The following TXNRD1 variants were observed in gnomAD, a reference collection of about 807,000 sequenced individuals.
TXNRD1 encodes the protein thioredoxin reductase 1, cytoplasmic.
A neutral mutation model predicts 80.3 loss-of-function variants in TXNRD1; 57 were observed. That is an observed-to-expected ratio of 0.71 (90% CI 0.57 to 0.89). The LOEUF (loss-of-function observed/expected upper bound fraction) is 0.89. Ranked by LOEUF, TXNRD1 falls within the 40% of genes least tolerant of loss-of-function variation. TXNRD1 has a pLI of 0.00. For missense variants in TXNRD1, 730 were observed against 803.0 expected (o/e 0.91, Z 1.10); for synonymous variants, 291 against 285.2 (o/e 1.02, Z -0.20).
intron 7 of TXNRD1, among the ~76,000 whole-genome samples, chr12:104,316,535 G>T (rs552849845): frequency 6.6e-6 from 1 of 152,108 alleles, no homozygotes; most frequent in Non-Finnish European, 1.5e-5. Context: ...GATTACGGGC[G>T]CCTGCCACCA....
chr12:104,338,520 C>T (rs1236067979), intron 15 of TXNRD1, among the ~76,000 whole-genome samples: 1 of 151,252 alleles, frequency 6.6e-6, no homozygotes, highest in Non-Finnish European at 1.5e-5. Context: ...CATGGCGAAA[C>T]CCCGTCTCTA....
intron 1 of TXNRD1, among the ~76,000 whole-genome samples, chr12:104,230,559 G>A (rs563469714): frequency 6.6e-5 from 10 of 152,120 alleles, no homozygotes; most frequent in Admixed American, 1.3e-4. Context: ...TTGCATTTCC[G>A]TAATGAATAA....
intron 3 of TXNRD1, among the ~76,000 whole-genome samples, chr12:104,281,803 A>C (rs2135735854): frequency 6.6e-6 from 1 of 152,164 alleles, no homozygotes; most frequent in East Asian, 1.9e-4. Flanking sequence ...TCTTCTCTTC[A>C]CACTCTGGCA....
At chr12:104,280,062 CAAAAA>C (rs34627940) in intron 3 of TXNRD1, among the ~76,000 whole-genome samples, 2 of 84,618 alleles carry the variant, frequency 2.4e-5, no homozygotes, top group Admixed American at 1.4e-4. Context: ...GACTCTGTCT[CAAAAA>C]AAAAAAAAAA....
intron 1 of TXNRD1, among the ~76,000 whole-genome samples, chr12:104,230,628 C>T (rs372989962): frequency 6.6e-6 from 1 of 152,090 alleles, no homozygotes; most frequent in East Asian, 1.9e-4. Flanking sequence ...AATGTCTGTT[C>T]AAAGTCTTTT....
intron 3 of TXNRD1, among the ~76,000 whole-genome samples, chr12:104,261,244 A>G (rs2033362748): frequency 1.3e-5 from 2 of 150,422 alleles, no homozygotes; most frequent in African/African-American, 4.9e-5. Context: ...GCTTGCCACA[A>G]CCTCCACCTC....
At chr12:104,282,062 A>C (rs1050339920) in intron 3 of TXNRD1, among the ~76,000 whole-genome samples, 37 of 152,370 alleles carry the variant, frequency 2.4e-4, no homozygotes, top group African/African-American at 8.7e-4. Flanking sequence ...GGAAAGAAAG[A>C]ATAGCAATTT....
At chr12:104,341,761 A>G (rs1196217866) in intron 16 of TXNRD1, among the ~76,000 whole-genome samples, 1 of 152,140 alleles carries the variant, frequency 6.6e-6, no homozygotes, top group African/African-American at 2.4e-5. Flanking sequence ...TGGAGTTAGC[A>G]TCAGATCCTG....
rs373675621 is a variant in TXNRD1, at chr12:104,326,428, GA to G, written c.1385+12del. The G allele has an allele frequency of 6.1e-6, 7 of 1,138,902 alleles. No individual in the cohort carries two copies. Among genetic ancestry groups the G allele is most frequent in the African/African-American group, 1.6e-5 (1 of 61,434 alleles). 70.5% of individuals were successfully genotyped at this position (1,138,902 alleles called of 1,614,324 possible). A position where few individuals can be genotyped will look rare whatever the true frequency, so the allele number is the denominator to read the frequency against. ...AGGGGTGAAGATAAATGAAAAGTAAGAAAAAAATCTTTATTATGTCATATTT... is the reference window on the plus strand; with the variant it reads ...AGGGGTGAAGATAAATGAAAAGTAAGAAAAAATCTTTATTATGTCATATTT... On this transcript the variant is annotated splice_donor_region_variant and intron_variant, in intron 12 of 16. Coordinates refer to ENST00000525566, the MANE Select transcript of TXNRD1 (RefSeq NM_001093771.3).
intron 4 of TXNRD1, among the ~76,000 whole-genome samples, chr12:104,301,423 C>T (rs183420120): frequency 2.0e-5 from 3 of 152,232 alleles, no homozygotes; most frequent in East Asian, 3.9e-4. Flanking sequence ...CTGCAAGCTC[C>T]GTCTCCTGGG....
chr12:104,327,100 C>T (rs11111996), intron 12 of TXNRD1, among the ~76,000 whole-genome samples: 73,908 of 152,012 alleles, frequency 0.49, 18,458 homozygotes, highest in East Asian at 0.62. Context: ...CTGTGCCTGG[C>T]CGAATTTTAG....
rs1193086692 is a variant in TXNRD1 at position 104,299,874 on chromosome 12, A to G, written c.414+10834A>G. ...TTACCACATTTCTTCACAACTCAAT[A>G]TTAAACAGAAGCCATGGTGGTATGA... On this transcript the variant is annotated intron_variant, in intron 4 of 16. Coordinates refer to ENST00000525566, the MANE Select transcript of TXNRD1 (RefSeq NM_001093771.3). 2.0e-5 allele frequency among the ~76,000 whole-genome samples: 3 copies of G among 152,198 alleles called. No homozygotes were observed. The East Asian group carries it at 5.8e-4, about 29-fold the overall frequency.
At chr12:104,342,625 C>CT (rs138507590) in intron 16 of TXNRD1, among the ~76,000 whole-genome samples, 5,626 of 152,168 alleles carry the variant, frequency 0.037, 149 homozygotes, top group Middle Eastern at 0.12. Flanking sequence ...ATTGGCATAG[C>CT]TTAAAGAGCT....
intron 4 of TXNRD1, chr12:104,304,943 C>T: frequency 1.3e-6 from 2 of 1,570,068 alleles, no homozygotes; most frequent in Non-Finnish European, 1.7e-6. Flanking sequence ...CTAAAGATTT[C>T]TTAGTATAGC....
At chr12:104,278,203 T>A (rs2033798229) in intron 3 of TXNRD1, among the ~76,000 whole-genome samples, 2 of 12,730 alleles carry the variant, frequency 1.6e-4, no homozygotes, top group Non-Finnish European at 3.5e-4. Flanking sequence ...TTTTTTTTTT[T>A]TTTTTTTTTT....
intron 1 of TXNRD1, among the ~76,000 whole-genome samples, chr12:104,241,532 GGCT>G (rs200413829): frequency 0.012 from 1,865 of 151,602 alleles, 29 homozygotes; most frequent in Middle Eastern, 0.041. Flanking sequence ...CACCACGACC[GGCT>G]AATTTTGTAT....
chr12:104,336,446 C>T (rs2036143379), intron 15 of TXNRD1, among the ~76,000 whole-genome samples: 1 of 152,138 alleles, frequency 6.6e-6, no homozygotes, highest in African/African-American at 2.4e-5. Flanking sequence ...TTCACTATCC[C>T]TGGGGCGTGC....
At chr12:104,216,449 G>T (rs1042398036) in intron 1 of TXNRD1, among the ~76,000 whole-genome samples, 7 of 152,096 alleles carry the variant, frequency 4.6e-5, no homozygotes, top group African/African-American at 7.2e-5. Flanking sequence ...CCATCATCCC[G>T]CTTTATCCTT....
chr12:104,281,921 A>G (rs775242469), intron 3 of TXNRD1, among the ~76,000 whole-genome samples: 1 of 152,108 alleles, frequency 6.6e-6, no homozygotes, highest in South Asian at 2.1e-4. Context: ...TTTCTCACTC[A>G]TTAGGCTTTA....
Sources: allele counts gnomAD v4.1 joint callset (sites outside exome capture counted in the v4.1 genomes callset), GRCh38; gene constraint gnomAD v4.1.1; transcripts MANE v1.5; gene names NCBI Gene and HGNC (gene_info 2026-07-23, HGNC 2026-07-21).